Variants in KCTD16 observed in about 807,000 individuals in gnomAD.
KCTD16 encodes BTB/POZ domain-containing protein KCTD16.
Under a neutral mutation model 33.2 loss-of-function variants are expected in KCTD16, and 13 were observed. The observed-to-expected ratio is 0.39, with a 90% CI of 0.25 to 0.62. The LOEUF (loss-of-function observed/expected upper bound fraction) is 0.62, where lower values mean the gene tolerates loss of function less well. KCTD16 is among the 20% of genes least tolerant of loss of function. The probability of loss-of-function intolerance (pLI) is 0.50; values close to 1 mark genes in which losing one functional copy is unlikely to be tolerated. For missense variants in KCTD16, 441 were observed against 525.1 expected (o/e 0.84, Z 1.57); for synonymous variants, 197 against 195.3 (o/e 1.01, Z -0.07).
chr5:144,185,146 C>A (rs1395313313), intron 2 of KCTD16, among the ~76,000 whole-genome samples: 1 of 152,132 alleles, frequency 6.6e-6, no homozygotes, highest in Non-Finnish European at 1.5e-5. Context: ...AGTGACTTGT[C>A]CAAAGTCAAA....
chr5:144,372,814 G>A (rs1751998899), intron 3 of KCTD16, among the ~76,000 whole-genome samples: 1 of 152,218 alleles, frequency 6.6e-6, no homozygotes, highest in South Asian at 2.1e-4. Flanking sequence ...AAATACCATG[G>A]CAGGCCCTTT....
intron 3 of KCTD16, among the ~76,000 whole-genome samples, chr5:144,291,860 C>T (rs994432189): frequency 5.3e-5 from 8 of 152,144 alleles, no homozygotes; most frequent in African/African-American, 1.9e-4. Context: ...TTGTTTTTGG[C>T]ATCAACATAA....
At chr5:144,348,960 G>A (rs1268370469) in intron 3 of KCTD16, among the ~76,000 whole-genome samples, 1 of 151,994 alleles carries the variant, frequency 6.6e-6, no homozygotes, top group Non-Finnish European at 1.5e-5. Context: ...AAATCCTGTG[G>A]GAAAGGCAAA....
chr5:144,339,503 T>C (rs1247527069), intron 3 of KCTD16, among the ~76,000 whole-genome samples: 2 of 152,224 alleles, frequency 1.3e-5, no homozygotes, highest in African/African-American at 2.4e-5. Flanking sequence ...TCTCAACGTT[T>C]ATGGAACACA....
In KCTD16 at chr5:144,473,835, G is replaced by A. The variant is rs1413206528; in HGVS notation, c.1008G>A (p.Gln336=). 1.2e-6 allele frequency: 2 copies of A among 1,614,122 alleles called. No homozygotes were observed. Among genetic ancestry groups the A allele is most frequent in the Non-Finnish European group, 1.7e-6 (2 of 1,180,014 alleles). The change falls in exon 4 of 4, where the codon CAG becomes CAA. Residue 336 remains glutamine (Q), a synonymous_variant. Coordinates refer to ENST00000512467, the MANE Select transcript of KCTD16 (RefSeq NM_020768.4). ...TCATCTGTGGTCCCGTGACACGCCA[G>A]ACCAACATCCAGACTCTGGACCGTC... is the stretch of plus-strand genomic sequence containing the variant. ...ETVICGPVTR[Q]TNIQTLDRPI...
intron 3 of KCTD16, among the ~76,000 whole-genome samples, chr5:144,356,424 T>TC (rs1751573188): frequency 6.6e-6 from 1 of 152,170 alleles, no homozygotes; most frequent in Non-Finnish European, 1.5e-5. Flanking sequence ...CAGTTTTTTT[T>TC]CATGAAACCC....
intron 3 of KCTD16, among the ~76,000 whole-genome samples, chr5:144,433,049 C>G (rs73296081): frequency 0.054 from 8,140 of 152,090 alleles, 756 homozygotes; most frequent in African/African-American, 0.19. Flanking sequence ...GGCAGAACCA[C>G]GTGTGTACCT....
intron 3 of KCTD16, among the ~76,000 whole-genome samples, chr5:144,268,313 C>T (rs1755201808): frequency 1.3e-5 from 2 of 152,346 alleles, no homozygotes; most frequent in South Asian, 2.1e-4. Context: ...TGCTACACAT[C>T]GCGCTATTGT....
intron 3 of KCTD16, among the ~76,000 whole-genome samples, chr5:144,278,733 A>G (rs1755514428): frequency 1.3e-5 from 2 of 151,612 alleles, no homozygotes; most frequent in Non-Finnish European, 2.9e-5. Context: ...TCCTGACCTC[A>G]TGATCCACCC....
At chr5:144,386,292 C>T (rs1483463405) in intron 3 of KCTD16, among the ~76,000 whole-genome samples, 1 of 152,166 alleles carries the variant, frequency 6.6e-6, no homozygotes, top group Non-Finnish European at 1.5e-5. Flanking sequence ...TAAAGCATCC[C>T]AGTTGCACAG....
intron 3 of KCTD16, among the ~76,000 whole-genome samples, chr5:144,219,561 C>T (rs939564284): frequency 3.0e-5 from 4 of 131,764 alleles, no homozygotes; most frequent in African/African-American, 1.2e-4. Context: ...CGCTCTGTCT[C>T]GCAGGCTGGA....
intron 3 of KCTD16, among the ~76,000 whole-genome samples, chr5:144,215,632 G>T (rs1440523015): frequency 6.6e-6 from 1 of 152,158 alleles, no homozygotes; most frequent in Non-Finnish European, 1.5e-5. Context: ...GATAACAATA[G>T]TACTTGCCAC....
At position 144,360,365 on chromosome 5, in the gene KCTD16, C is replaced by T. The variant is rs536415784; in HGVS notation, c.833-113295C>T. 2.6e-5 allele frequency among the ~76,000 whole-genome samples: 4 copies of T among 152,176 alleles called. No homozygotes were observed. In the East Asian group the frequency reaches 7.7e-4, roughly 29 times the overall value. On this transcript the variant is annotated intron_variant, in intron 3 of 3. Coordinates refer to ENST00000512467, the MANE Select transcript of KCTD16 (RefSeq NM_020768.4). ...AACATGCGGTGTTTGATTTTCTGTT[C>T]CTGTGTTAGTTTGCTGAGAATGATG... is the stretch of plus-strand genomic sequence containing the variant.
chr5:144,340,639 G>A (rs1432069625), intron 3 of KCTD16, among the ~76,000 whole-genome samples: 1 of 152,110 alleles, frequency 6.6e-6, no homozygotes, highest in Non-Finnish European at 1.5e-5. Flanking sequence ...TTTAGACAAT[G>A]TTATAAGGGT....
At chr5:144,356,149 C>T (rs1751566071) in intron 3 of KCTD16, among the ~76,000 whole-genome samples, 1 of 152,082 alleles carries the variant, frequency 6.6e-6, no homozygotes, top group African/African-American at 2.4e-5. Context: ...TTAGAAGCTA[C>T]GACGGTCTCA....
chr5:144,322,963 T>C (rs553126176), intron 3 of KCTD16, among the ~76,000 whole-genome samples: 37 of 152,278 alleles, frequency 2.4e-4, no homozygotes, highest in African/African-American at 7.9e-4. Context: ...TAGAATGATA[T>C]AATGAACTCC....
At chr5:144,382,762 G>C (rs1752244831) in intron 3 of KCTD16, among the ~76,000 whole-genome samples, 1 of 152,158 alleles carries the variant, frequency 6.6e-6, no homozygotes, top group African/African-American at 2.4e-5. Context: ...CCACTGCGAG[G>C]TTCTGGATGT....
At chr5:144,418,636 C>T (rs1331646334) in intron 3 of KCTD16, among the ~76,000 whole-genome samples, 1 of 152,120 alleles carries the variant, frequency 6.6e-6, no homozygotes, top group Non-Finnish European at 1.5e-5. Context: ...ATATGGGTTG[C>T]AGTAATTTTA....
At chr5:144,345,697 A>T (rs1752779583) in intron 3 of KCTD16, among the ~76,000 whole-genome samples, 1 of 147,948 alleles carries the variant, frequency 6.8e-6, no homozygotes, top group Admixed American at 6.7e-5. Flanking sequence ...CACAGACATT[A>T]AAAAAAAATT....
Sources: allele counts gnomAD v4.1 joint callset (sites outside exome capture counted in the v4.1 genomes callset), GRCh38; gene constraint gnomAD v4.1.1; transcripts MANE v1.5; gene names NCBI Gene and HGNC (gene_info 2026-07-23, HGNC 2026-07-21).